SMKR1: variants seen among roughly 807,000 people sequenced by gnomAD.
SMKR1 encodes small lysine rich protein 1.
In SMKR1, 4 loss-of-function variants were observed where a neutral mutation model predicts 4.0. The ratio of observed to expected loss-of-function variants is 1.00; its 90% CI spans 0.49 to 2.30. The LOEUF is 2.30. Among genes scored for constraint, SMKR1 ranks in the 30% most tolerant of loss-of-function variants. The pLI, the probability that SMKR1 is intolerant of heterozygous loss-of-function variation, is 0.02. For synonymous variants in SMKR1, 38 were observed against 32.5 expected, an observed-to-expected ratio of 1.17 and a Z score of -0.58; for missense variants, 56 against 81.8, an observed-to-expected ratio of 0.68 and a Z score of 1.22.
intron 1 of SMKR1, among the ~76,000 whole-genome samples, chr7:129,510,876 T>C (rs1234721775): frequency 6.6e-6 from 1 of 152,100 alleles, no homozygotes; most frequent in Non-Finnish European, 1.5e-5. Flanking sequence ...TGGCGTGATC[T>C]CGGCTCACTG....
chr7:129,504,211 C>T (rs919828100), intron 1 of SMKR1, among the ~76,000 whole-genome samples: 2 of 152,218 alleles, frequency 1.3e-5, no homozygotes, highest in African/African-American at 4.8e-5. Context: ...AATTCATGCT[C>T]CTTGAATGAG....
chr7:129,502,941 A>C, intron 1 of SMKR1, 114 bp downstream of exon 1: 2 of 1,422,030 alleles, frequency 1.4e-6, no homozygotes, highest in Non-Finnish European at 1.9e-6. Flanking sequence ...GTCGACCTCA[A>C]CGCGTGGCGA....
At chr7:129,508,241 C>T (rs184247274) in intron 1 of SMKR1, among the ~76,000 whole-genome samples, 5 of 152,208 alleles carry the variant, frequency 3.3e-5, no homozygotes, top group African/African-American at 9.6e-5. Context: ...TATACCAGCA[C>T]CATATGTTGA....
At chr7:129,511,100 G>A (rs900137155) in intron 1 of SMKR1, among the ~76,000 whole-genome samples, 1 of 152,152 alleles carries the variant, frequency 6.6e-6, no homozygotes, top group East Asian at 1.9e-4. Flanking sequence ...GTGAGCCACC[G>A]CGCCCAGCCT....
intron 1 of SMKR1, among the ~76,000 whole-genome samples, chr7:129,509,882 A>C (rs780881102): frequency 7.1e-4 from 108 of 152,314 alleles, no homozygotes; most frequent in Non-Finnish European, 9.0e-4. Flanking sequence ...CTCTTTGTCT[A>C]GCTTGGGACA....
At chr7:129,512,193 C>T in intron 1 of SMKR1, 54 bp from the exon 2 acceptor site, 1 of 1,460,024 alleles carries the variant, frequency 6.8e-7, no homozygotes, top group Non-Finnish European at 9.0e-7. Context: ...TCAAAAAAAA[C>T]AAAAACCAAA....
At chr7:129,507,865 T>C (rs1799486029) in intron 1 of SMKR1, among the ~76,000 whole-genome samples, 1 of 152,226 alleles carries the variant, frequency 6.6e-6, no homozygotes, top group African/African-American at 2.4e-5. Context: ...ATTGAGTGGT[T>C]TTCTTACTGT....
chr7:129,509,831 G>A (rs1271091222), intron 1 of SMKR1, among the ~76,000 whole-genome samples: 2 of 152,156 alleles, frequency 1.3e-5, no homozygotes, highest in African/African-American at 4.8e-5. Flanking sequence ...GAGCCAGCGC[G>A]CCCGGCCTAT....
intron 1 of SMKR1, among the ~76,000 whole-genome samples, chr7:129,510,972 C>G (rs1195934194): frequency 6.6e-6 from 1 of 152,118 alleles, no homozygotes; most frequent in East Asian, 1.9e-4. Flanking sequence ...CCATGCCCAG[C>G]TAGTTTTTGT....
At chr7:129,510,912 G>A (rs1377772216) in intron 1 of SMKR1, among the ~76,000 whole-genome samples, 1 of 152,064 alleles carries the variant, frequency 6.6e-6, no homozygotes, top group Non-Finnish European at 1.5e-5. Context: ...GGGTTCAGGC[G>A]ATTCTTCTAC....
chr7:129,510,348 C>T (rs1318301480), intron 1 of SMKR1, among the ~76,000 whole-genome samples: 1 of 152,200 alleles, frequency 6.6e-6, no homozygotes, highest in East Asian at 1.9e-4. Context: ...CTGGTTTCTG[C>T]ATGCTGGGTA....
chr7:129,512,516 C>T lies in SMKR1; in HGVS notation c.*75C>T. On this transcript the variant is annotated 3_prime_UTR_variant, in exon 2 of 2. Coordinates refer to ENST00000462322, the MANE Select transcript of SMKR1 (RefSeq NM_001195243.2). ...GAAGTCAGGATAACACAACTGTTGC[C>T]AGCAACATAGACTTTACTCCAGACG... 1 of 1,382,230 alleles carries T rather than the reference C, an allele frequency of 7.2e-7. No individual in the cohort carries two copies. Among genetic ancestry groups the T allele is most frequent in the Non-Finnish European group, 9.5e-7 (1 of 1,049,912 alleles). The allele number at this position is 1,382,230 out of a possible 1,614,324, so 85.6% of individuals were successfully genotyped here.
At chr7:129,510,814 G>A (rs185695762) in intron 1 of SMKR1, among the ~76,000 whole-genome samples, 86 of 150,514 alleles carry the variant, frequency 5.7e-4, no homozygotes, top group East Asian at 2.9e-3. Flanking sequence ...TTTTTTTTGC[G>A]GGGAGGCGGG....
intron 1 of SMKR1, among the ~76,000 whole-genome samples, chr7:129,511,664 G>C (rs528271711): frequency 6.6e-6 from 1 of 152,132 alleles, no homozygotes. Flanking sequence ...ATTAGATTGC[G>C]TGTGACTTTC....
intron 1 of SMKR1, among the ~76,000 whole-genome samples, chr7:129,508,973 A>G (rs765070449): frequency 6.6e-6 from 1 of 152,252 alleles, no homozygotes; most frequent in Non-Finnish European, 1.5e-5. Context: ...AAACACATAC[A>G]TTAAGTCAAG....
chr7:129,511,349 T>C (rs992125683), intron 1 of SMKR1, among the ~76,000 whole-genome samples: 3 of 152,234 alleles, frequency 2.0e-5, no homozygotes, highest in Non-Finnish European at 2.9e-5. Flanking sequence ...ATTTGCTTTA[T>C]CTGTTTTTTC....
At chr7:129,507,217 A>C (rs976644225) in intron 1 of SMKR1, among the ~76,000 whole-genome samples, 3 of 152,002 alleles carry the variant, frequency 2.0e-5, no homozygotes, top group Admixed American at 1.3e-4. Context: ...GGGTTTCACC[A>C]TGTTAGCCAG....
intron 1 of SMKR1, among the ~76,000 whole-genome samples, chr7:129,511,626 A>C (rs1799527567): frequency 6.6e-6 from 1 of 152,206 alleles, no homozygotes; most frequent in Admixed American, 6.5e-5. Flanking sequence ...GTCTCTTTTA[A>C]TCAGGGTGCT....
chr7:129,512,028 C>A (rs1293152515), intron 1 of SMKR1, among the ~76,000 whole-genome samples: 1 of 151,876 alleles, frequency 6.6e-6, no homozygotes, highest in Non-Finnish European at 1.5e-5. Flanking sequence ...ACTAAAAGTA[C>A]AAAAATTAGC....
Sources: gnomAD v4.1 joint callset for allele counts (sites outside exome capture counted in the v4.1 genomes callset) on GRCh38, gnomAD v4.1.1 for gene constraint, MANE v1.5 for transcripts, NCBI Gene and HGNC (gene_info 2026-07-23, HGNC 2026-07-21) for gene names.